The following RIGI variants were observed in gnomAD, a reference collection of about 807,000 sequenced individuals.
The protein encoded by RIGI is RNA sensor RIG-I.
chr9:32,502,210 A>G, the RIGI span, among the ~76,000 whole-genome samples: 2 of 152,242 alleles, frequency 1.3e-5, no homozygotes, highest in African/African-American at 2.4e-5. Context: ...TTATTGCCAA[A>G]TAATATCCCA....
the RIGI span, chr9:32,493,884 C>T: frequency 5.6e-6 from 9 of 1,609,438 alleles, no homozygotes; most frequent in African/African-American, 1.1e-4. Flanking sequence ...TATACTCCTC[C>T]AACTTTTCAA....
chr9:32,490,405 G>C, the RIGI span, among the ~76,000 whole-genome samples: 1 of 151,686 alleles, frequency 6.6e-6, no homozygotes, highest in South Asian at 2.1e-4. Context: ...CAAAAGGCAT[G>C]CAAGAATCTT....
chr9:32,473,705 C>T, the RIGI span, among the ~76,000 whole-genome samples: 1 of 152,196 alleles, frequency 6.6e-6, no homozygotes, highest in East Asian at 1.9e-4. Context: ...TGAATTTCTA[C>T]ATACTAGCAA....
chr9:32,466,710 AAAAAAAAG>A, the RIGI span, among the ~76,000 whole-genome samples: 2 of 150,082 alleles, frequency 1.3e-5, no homozygotes, highest in Non-Finnish European at 3.0e-5. Flanking sequence ...AAAAAAAAAA[AAAAAAAAG>A]ACTCAAATGC....
At chr9:32,500,701 G>C in the RIGI span, 4 of 1,387,446 alleles carry the variant, frequency 2.9e-6, no homozygotes, top group South Asian at 4.2e-5. Context: ...TAAGAGGCAT[G>C]AACTATAAGT....
chr9:32,480,839 T>TGAATA, the RIGI span, among the ~76,000 whole-genome samples: 1 of 152,192 alleles, frequency 6.6e-6, no homozygotes, highest in Non-Finnish European at 1.5e-5. Flanking sequence ...TTGAATGCAT[T>TGAATA]TTAATATATT....
chr9:32,459,384 AC>A, the RIGI span: 1 of 1,613,462 alleles, frequency 6.2e-7, no homozygotes, highest in African/African-American at 1.3e-5. Flanking sequence ...TATCACTCTT[AC>A]GTCAGCTGTG....
At chr9:32,466,152 G>T in the RIGI span, 3 of 828,166 alleles carry the variant, frequency 3.6e-6, no homozygotes, top group East Asian at 8.0e-5. Flanking sequence ...AAAACAGAAT[G>T]AATTTAATAT....
At chr9:32,487,500 A>G in the RIGI span, 1 of 1,614,192 alleles carries the variant, frequency 6.2e-7, no homozygotes, top group Non-Finnish European at 8.5e-7. Flanking sequence ...AACTTGCTCC[A>G]GTTCCTCCAG....
chr9:32,463,075 A>G, the RIGI span, among the ~76,000 whole-genome samples: 32 of 152,080 alleles, frequency 2.1e-4, no homozygotes, highest in African/African-American at 7.0e-4. Flanking sequence ...CAGTGAGCCA[A>G]TATCACACCA....
the RIGI span, among the ~76,000 whole-genome samples, chr9:32,483,441 G>A: frequency 6.6e-6 from 1 of 152,140 alleles, no homozygotes; most frequent in East Asian, 1.9e-4. Flanking sequence ...CTGGCAAAAA[G>A]GTGGAGGCAG....
chr9:32,526,129 T>C, the RIGI span: 5 of 1,613,650 alleles, frequency 3.1e-6, no homozygotes, highest in East Asian at 6.7e-5. Flanking sequence ...GATATAATCC[T>C]GGAAGGCTTG....
chr9:32,489,455 G>T, the RIGI span: 1 of 1,598,204 alleles, frequency 6.3e-7, no homozygotes, highest in Non-Finnish European at 8.6e-7. Context: ...GACACTTCTG[G>T]AATACAAAAG....
chr9:32,523,349 C>T, the RIGI span, among the ~76,000 whole-genome samples: 1 of 152,190 alleles, frequency 6.6e-6, no homozygotes, highest in African/African-American at 2.4e-5. Context: ...GAACTCCACA[C>T]CTGTGCAGCC....
At chr9:32,467,481 C>T in the RIGI span, among the ~76,000 whole-genome samples, 1 of 152,168 alleles carries the variant, frequency 6.6e-6, no homozygotes. Context: ...GAAAGGTTTA[C>T]ATGTTGACTG....
At chr9:32,519,723 A>G in the RIGI span, among the ~76,000 whole-genome samples, 6 of 152,160 alleles carry the variant, frequency 3.9e-5, no homozygotes, top group Non-Finnish European at 8.8e-5. Flanking sequence ...AATTATATTG[A>G]TTGGGCTTTC....
At chr9:32,504,942 T>TTTATTATATATATATAA in the RIGI span, among the ~76,000 whole-genome samples, 1 of 109,696 alleles carries the variant, frequency 9.1e-6, no homozygotes, top group South Asian at 3.1e-4. Flanking sequence ...TAATATATAT[T>TTTATTATATATATATAA]TAAACATATA....
At chr9:32,495,909 A>T in the RIGI span, among the ~76,000 whole-genome samples, 311 of 152,056 alleles carry the variant, frequency 2.0e-3, 3 homozygotes, top group Middle Eastern at 6.8e-3. Context: ...CACCTGCCTC[A>T]GCCTCCCAAA....
At chr9:32,516,171 A>G in the RIGI span, among the ~76,000 whole-genome samples, 1 of 152,220 alleles carries the variant, frequency 6.6e-6, no homozygotes, top group Non-Finnish European at 1.5e-5. Context: ...CCAGACAATG[A>G]GGCCAGGCCC....
Sources: gnomAD v4.1 joint callset for allele counts (sites outside exome capture counted in the v4.1 genomes callset) on GRCh38, gnomAD v4.1.1 for gene constraint, MANE v1.5 for transcripts, NCBI Gene and HGNC (gene_info 2026-07-23, HGNC 2026-07-21) for gene names.